Variants in RORA observed in about 807,000 individuals in gnomAD.
RORA encodes the protein nuclear receptor ROR-alpha.
RORA carries 7 observed loss-of-function variants against 69.5 expected under a neutral mutation model. The ratio of observed to expected loss-of-function variants is 0.10; its 90% CI spans 0.06 to 0.19. The LOEUF (loss-of-function observed/expected upper bound fraction) is 0.19. Among genes scored for constraint, RORA ranks in the 10% least tolerant of loss-of-function variants. The pLI, the probability that RORA is intolerant of heterozygous loss-of-function variation, is 1.00. For missense variants in RORA, 457 were observed against 663.0 expected (o/e 0.69, Z 3.41); for synonymous variants, 261 against 240.8 (o/e 1.08, Z -0.78).
chr15:60,621,248 C>T (rs2069398988), intron 2 of RORA, among the ~76,000 whole-genome samples: 1 of 152,028 alleles, frequency 6.6e-6, no homozygotes, highest in African/African-American at 2.4e-5. Context: ...TCAAGTTCAG[C>T]CCACCAGAGG....
At chr15:61,122,791 T>C (rs1435099872) in intron 1 of RORA, among the ~76,000 whole-genome samples, 1 of 152,128 alleles carries the variant, frequency 6.6e-6, no homozygotes, top group Admixed American at 6.5e-5. Flanking sequence ...CAGGCTCCAT[T>C]TGTCCTGATT....
Position 60,856,364 on chromosome 15 carries a change from C to T in RORA, c.167-177678G>A, listed in dbSNP as rs185296610. ...AAGTAATAACACTGAATAGAGTTCA[C>T]CTTTCCAGGTCTCTTCCTGTCCAAC... On this transcript the variant is annotated intron_variant, in intron 1 of 10. Coordinates refer to ENST00000335670, the MANE Select transcript of RORA (RefSeq NM_134261.3). Among the ~76,000 whole-genome samples, 80 of 152,282 alleles carry T rather than the reference C, an allele frequency of 5.3e-4. 1 individual carries two copies. The East Asian group carries it at 0.015, about 29-fold the overall frequency.
At chr15:60,916,849 C>G (rs779440526) in intron 1 of RORA, among the ~76,000 whole-genome samples, 1 of 152,212 alleles carries the variant, frequency 6.6e-6, no homozygotes, top group African/African-American at 2.4e-5. Context: ...CACTCAGGGC[C>G]TAATCAGAAC....
At chr15:60,529,675 C>A (rs146216908) in intron 3 of RORA, 3 of 152,186 alleles carry the variant, frequency 2.0e-5, no homozygotes, top group East Asian at 1.9e-4. Flanking sequence ...GTTTTCTTAT[C>A]GCTTTTATTT....
At chr15:61,051,079 G>A (rs898223454) in intron 1 of RORA, among the ~76,000 whole-genome samples, 3 of 152,178 alleles carry the variant, frequency 2.0e-5, no homozygotes, top group East Asian at 1.9e-4. Flanking sequence ...ACCACACAAC[G>A]TAATGCTATG....
chr15:60,606,446 T>G (rs1310055206), intron 2 of RORA, among the ~76,000 whole-genome samples: 2 of 148,408 alleles, frequency 1.3e-5, no homozygotes, highest in Non-Finnish European at 3.0e-5. Flanking sequence ...TTGGTCTTTC[T>G]TGTTGTTGTT....
intron 2 of RORA, chr15:60,650,786 C>A (rs140585538): frequency 4.9e-4 from 74 of 152,312 alleles, no homozygotes; most frequent in African/African-American, 1.7e-3. Flanking sequence ...TATGCCAACC[C>A]TTTGCAAACA....
intron 1 of RORA, among the ~76,000 whole-genome samples, chr15:60,773,741 AT>A (rs1269293426): frequency 1.3e-5 from 2 of 152,104 alleles, no homozygotes; most frequent in South Asian, 2.1e-4. Context: ...TAGCCACTGA[AT>A]TGATACGCAC....
intron 1 of RORA, among the ~76,000 whole-genome samples, chr15:60,972,505 C>A (rs572126704): frequency 6.6e-6 from 1 of 152,054 alleles, no homozygotes; most frequent in African/African-American, 2.4e-5. Context: ...TTCTCCTGTT[C>A]GTTATGAGTA....
chr15:60,933,343 T>G (rs1321722691), intron 1 of RORA, among the ~76,000 whole-genome samples: 3 of 152,214 alleles, frequency 2.0e-5, no homozygotes, highest in African/African-American at 7.2e-5. Context: ...TCACTCTCCC[T>G]AAATGTACTG....
chr15:61,057,607 A>C lies in RORA; in HGVS notation c.166+171446T>G, dbSNP rs547554072. ...CCATCTTTCTTGCACCCCCACACTC[A>C]GTGTGTAATGACCACCTCTGAGACA... On this transcript the variant is annotated intron_variant, in intron 1 of 10. Coordinates refer to ENST00000335670, the MANE Select transcript of RORA (RefSeq NM_134261.3). Among the ~76,000 whole-genome samples the C allele has an allele frequency of 6.8e-4, 103 of 152,314 alleles. 3 individuals are homozygous for C. The highest frequency in any genetic ancestry group is 2.5e-3 in the African/African-American group (102 of 41,566).
chr15:60,737,089 T>C (rs7165810), intron 1 of RORA, among the ~76,000 whole-genome samples: 4,657 of 152,274 alleles, frequency 0.031, 259 homozygotes, highest in African/African-American at 0.11. Context: ...CCTGGACCAT[T>C]CTGCTACAAC....
intron 1 of RORA, among the ~76,000 whole-genome samples, chr15:60,923,500 A>G (rs12912672): frequency 0.025 from 3,830 of 151,918 alleles, 62 homozygotes; most frequent in Non-Finnish European, 0.038. Context: ...GAGGTCATCT[A>G]GGCCCCTGAC....
At chr15:61,103,498 C>A (rs1296480478) in intron 1 of RORA, among the ~76,000 whole-genome samples, 1 of 152,176 alleles carries the variant, frequency 6.6e-6, no homozygotes, top group Non-Finnish European at 1.5e-5. Flanking sequence ...GCAGAACCCT[C>A]CCCACATGGA....
At chr15:61,062,254 C>T (rs550132878) in intron 1 of RORA, among the ~76,000 whole-genome samples, 7 of 152,184 alleles carry the variant, frequency 4.6e-5, no homozygotes, top group East Asian at 1.9e-4. Flanking sequence ...ACTGGGGAGA[C>T]GGCTCTGGGC....
intron 2 of RORA, among the ~76,000 whole-genome samples, chr15:60,606,488 G>T (rs551210223): frequency 6.6e-6 from 1 of 152,046 alleles, no homozygotes; most frequent in Admixed American, 6.5e-5. Context: ...AAGCACAGAA[G>T]CATTTTCTAG....
chr15:60,986,688 C>T (rs1192719300), intron 1 of RORA, among the ~76,000 whole-genome samples: 1 of 152,182 alleles, frequency 6.6e-6, no homozygotes, highest in Non-Finnish European at 1.5e-5. Context: ...TCTGAAAGTG[C>T]TTAGATCATA....
chr15:60,837,662 T>A (rs931699772), intron 1 of RORA, among the ~76,000 whole-genome samples: 4 of 152,200 alleles, frequency 2.6e-5, no homozygotes, highest in Non-Finnish European at 4.4e-5. Flanking sequence ...GGTTTCCCTG[T>A]TGAACACAGC....
At chr15:60,754,257 C>A (rs77312829) in intron 1 of RORA, among the ~76,000 whole-genome samples, 4,926 of 152,282 alleles carry the variant, frequency 0.032, 121 homozygotes, top group Non-Finnish European at 0.048. Flanking sequence ...TTCCCATCAT[C>A]TTTTGTTTAC....
Sources: allele counts gnomAD v4.1 joint callset (sites outside exome capture counted in the v4.1 genomes callset), GRCh38; gene constraint gnomAD v4.1.1; transcripts MANE v1.5; gene names NCBI Gene and HGNC (gene_info 2026-07-23, HGNC 2026-07-21).